KDM2B: variants seen among roughly 807,000 people sequenced by gnomAD.
KDM2B encodes lysine demethylase 2B.
Under a neutral mutation model 150.0 loss-of-function variants are expected in KDM2B, and 26 were observed. The observed-to-expected ratio is 0.17, with a 90% CI of 0.13 to 0.24. KDM2B has a LOEUF of 0.24. Among genes scored for constraint, KDM2B ranks in the 10% least tolerant of loss-of-function variants. The pLI is 1.00. For missense variants in KDM2B, 1,265 were observed against 1,816.9 expected (o/e 0.70, Z 5.52); for synonymous variants, 734 against 729.5 (o/e 1.01, Z -0.10).
At chr12:121,544,651 G>A (rs980187224) in intron 6 of KDM2B, among the ~76,000 whole-genome samples, 3 of 149,934 alleles carry the variant, frequency 2.0e-5, no homozygotes, top group Non-Finnish European at 3.0e-5. Context: ...GGTGGCTCAC[G>A]CCTGTAATCC....
intron 9 of KDM2B, chr12:121,516,412 A>ATTTT: frequency 9.9e-7 from 1 of 1,008,608 alleles, no homozygotes. Flanking sequence ...TTATTTATTT[A>ATTTT]TTTTTTTTTC....
Position 121,575,842 on chromosome 12 carries a change from C to T in KDM2B, c.289G>A (p.Val97Ile), listed in dbSNP as rs371245442. The change falls in exon 3 of 23, where the codon GTA becomes ATA. Residue 97 changes from valine (V) to isoleucine (I), a missense_variant. Coordinates refer to ENST00000377071, the MANE Select transcript of KDM2B (RefSeq NM_032590.5). The surrounding 1 kb of genome is among the most constrained non-coding windows in gnomAD (Gnocchi z 4.4). ...MEGKDFNYEY[V>I]QREALRVPLI... ...GGAACCCTGAGAGCTTCTCTCTGTACGTACTCATAGTTGAAATCTGTTTGG... is the reference window on the plus strand; with the variant it reads ...GGAACCCTGAGAGCTTCTCTCTGTATGTACTCATAGTTGAAATCTGTTTGG... The T allele has an allele frequency of 2.0e-5, 32 of 1,612,426 alleles. No individual in the cohort carries two copies. In the Admixed American group the frequency reaches 2.8e-4, roughly 14 times the overall value.
chr12:121,537,984 C>G lies in KDM2B; in HGVS notation c.684-3394G>C, dbSNP rs1268629389. Among the ~76,000 whole-genome samples, 1 of 150,394 alleles carries G rather than the reference C, an allele frequency of 6.6e-6. No individual in the cohort carries two copies. Among genetic ancestry groups the G allele is most frequent in the African/African-American group, 2.4e-5 (1 of 41,244 alleles). On this transcript the variant is annotated intron_variant, in intron 6 of 22. Coordinates refer to ENST00000377071, the MANE Select transcript of KDM2B (RefSeq NM_032590.5). The surrounding 1 kb of genome is among the most constrained non-coding windows in gnomAD (Gnocchi z 8.7). ...GGCGTCCCCTTCGGCTGCGGAGGCT[C>G]GACGCGCGCCCGGCCCCACTCCCGG...
chr12:121,499,514 G>A (rs1884313189), intron 11 of KDM2B, among the ~76,000 whole-genome samples: 2 of 152,048 alleles, frequency 1.3e-5, no homozygotes, highest in South Asian at 4.1e-4. Context: ...AGCTGGGCAT[G>A]GTGGTGTGCA....
intron 9 of KDM2B, among the ~76,000 whole-genome samples, chr12:121,519,105 G>A (rs1886474197): frequency 6.6e-6 from 1 of 152,216 alleles, no homozygotes; most frequent in African/African-American, 2.4e-5. Context: ...GGCGTCACGT[G>A]TCAATCTGCA....
intron 12 of KDM2B, among the ~76,000 whole-genome samples, chr12:121,455,110 C>T (rs2138888734): frequency 6.6e-6 from 1 of 152,300 alleles, no homozygotes; most frequent in East Asian, 1.9e-4. Flanking sequence ...TTCACCTTCC[C>T]ACAGCATTCA....
chr12:121,444,386 T>TCCCAGGCCCGC, intron 15 of KDM2B, 64 bp downstream of exon 15: 1 of 1,604,706 alleles, frequency 6.2e-7, no homozygotes, highest in Non-Finnish European at 8.5e-7. Context: ...GACAGGCTGG[T>TCCCAGGCCCGC]CCCGGCCAGG....
In KDM2B at chr12:121,440,034, G is replaced by A; in HGVS notation, c.3652C>T (p.Leu1218=). 1.9e-6 allele frequency: 3 copies of A among 1,612,990 alleles called. No individual in the cohort carries two copies. The highest frequency in any genetic ancestry group is 2.5e-6 in the Non-Finnish European group (3 of 1,179,668). ...GTGATGTCCAGGCCTGCCAGGCGCA[G>A]CTCCACGATGTTCCGGAGCTTGCTC... ...NRSKLRNIVE[L]RLAGLDITDA... Residue 1218 remains leucine, a synonymous_variant, in exon 22 of 23, where the codon CTG becomes TTG. Coordinates refer to ENST00000377071, the MANE Select transcript of KDM2B (RefSeq NM_032590.5).
intron 6 of KDM2B, among the ~76,000 whole-genome samples, chr12:121,547,645 C>CTTTTTTTTTTTTT: frequency 1.2e-5 from 1 of 80,266 alleles, no homozygotes; most frequent in Non-Finnish European, 2.7e-5. Flanking sequence ...CTTCCCCTTC[C>CTTTTTTTTTTTTT]TTTTTTTTTT....
intron 8 of KDM2B, among the ~76,000 whole-genome samples, chr12:121,522,783 G>A (rs549895296): frequency 6.6e-6 from 1 of 152,258 alleles, no homozygotes; most frequent in East Asian, 1.9e-4. Context: ...CGGAGGTGGA[G>A]GTTGCAGTGA....
At chr12:121,426,573 G>A (rs1013345620), downstream of KDM2B, among the ~76,000 whole-genome samples, 19 of 149,882 alleles carry the variant, frequency 1.3e-4, no homozygotes, top group African/African-American at 4.7e-4. Context: ...AGCCTCCCCA[G>A]GAGCTGGCAT....
chr12:121,482,808 G>A (rs141444257), intron 12 of KDM2B, among the ~76,000 whole-genome samples: 54 of 152,266 alleles, frequency 3.5e-4, no homozygotes, highest in African/African-American at 1.3e-3. Flanking sequence ...CATTCAACAA[G>A]TATTTCCTGG....
the KDM2B span, chr12:121,416,096 G>A: frequency 7.4e-7 from 1 of 1,359,510 alleles, no homozygotes; most frequent in African/African-American, 1.4e-5. Context: ...AGCATTCCCT[G>A]AGGATCCCAG....
At chr12:121,532,490 G>A (rs147046348) in intron 8 of KDM2B, among the ~76,000 whole-genome samples, 2,120 of 152,322 alleles carry the variant, frequency 0.014, 47 homozygotes, top group African/African-American at 0.048. Flanking sequence ...CCCAGACCCT[G>A]CCTCAGGGCA....
intron 12 of KDM2B, among the ~76,000 whole-genome samples, chr12:121,493,340 T>G (rs1883567425): frequency 6.6e-6 from 1 of 152,108 alleles, no homozygotes; most frequent in South Asian, 2.1e-4. Flanking sequence ...CTGAAGGGTT[T>G]TGCATGCCTT....
rs565628445 is a variant in KDM2B at position 121,526,124 on chromosome 12, G to A, written c.932-5024C>T. 1.5e-3 allele frequency among the ~76,000 whole-genome samples: 224 copies of A among 152,340 alleles called. 1 individual carries two copies. Among genetic ancestry groups the A allele is most frequent in the African/African-American group, 5.0e-3 (209 of 41,582 alleles). On this transcript the variant is annotated intron_variant, in intron 8 of 22. Coordinates refer to ENST00000377071, the MANE Select transcript of KDM2B (RefSeq NM_032590.5). Reference sequence around the variant, plus strand: ...CCCAGCACTTTGGGAGGCCAAGGCAGGCGGATCACTTGAAGTCAGGAGTTT... The same window carrying A: ...CCCAGCACTTTGGGAGGCCAAGGCAAGCGGATCACTTGAAGTCAGGAGTTT...
chr12:121,557,231 A>ATTT (rs142679491), intron 4 of KDM2B, among the ~76,000 whole-genome samples: 17 of 103,714 alleles, frequency 1.6e-4, no homozygotes, highest in Non-Finnish European at 2.7e-4. Context: ...AGACAAGAGA[A>ATTT]TTTTTTTTTT....
chr12:121,472,024 G>A (rs760217140), intron 12 of KDM2B, among the ~76,000 whole-genome samples: 11 of 152,262 alleles, frequency 7.2e-5, no homozygotes, highest in Non-Finnish European at 1.5e-4. Context: ...TCGGGAGGCT[G>A]GGGCAGGAGA....
chr12:121,412,770 G>C, the KDM2B span, among the ~76,000 whole-genome samples: 1 of 148,628 alleles, frequency 6.7e-6, no homozygotes, highest in Non-Finnish European at 1.5e-5. Context: ...TGTCACCCAG[G>C]CTGGAGTGCA....
Sources: gnomAD v4.1 joint callset for allele counts (sites outside exome capture counted in the v4.1 genomes callset) on GRCh38, gnomAD v4.1.1 for gene constraint, Gnocchi (gnomAD v3.1) non-coding constraint, MANE v1.5 for transcripts, NCBI Gene and HGNC (gene_info 2026-07-23, HGNC 2026-07-21) for gene names.